The following RREB1 variants were observed in gnomAD, a reference collection of about 807,000 sequenced individuals.
The protein encoded by RREB1 is ras responsive element binding protein 1, also known as ras-responsive element-binding protein 1.
Under a neutral mutation model 117.8 loss-of-function variants are expected in RREB1, and 27 were observed. The ratio of observed to expected loss-of-function variants is 0.23; its 90% CI spans 0.17 to 0.32. The LOEUF is 0.32. Ranked by LOEUF, RREB1 falls within the 10% of genes least tolerant of loss-of-function variation. RREB1 has a pLI of 1.00. For missense variants in RREB1, 2,577 were observed against 2,378.2 expected, an observed-to-expected ratio of 1.08 and a Z score of -1.74; for synonymous variants, 1,298 against 1,026.7, an observed-to-expected ratio of 1.26 and a Z score of -5.05.
Position 7,229,811 on chromosome 6 carries a change from C to G in RREB1, c.1712C>G (p.Pro571Arg). Residue 571 changes from proline to arginine, a missense_variant, in exon 10 of 13, where the codon CCC becomes CGC. Physicochemically the swap from Pro to Arg is moderately radical, Grantham distance 103 (BLOSUM62 -2). Coordinates refer to ENST00000379938, the MANE Select transcript of RREB1 (RefSeq NM_001003699.4). This position sits in a 1 kb window ranked among gnomAD's most constrained non-coding sequence, Gnocchi z 4.5. ...HLLQSKSGTQ[P>R]HAATRLSLQQ... ...CTGCAGTCCAAGTCCGGGACCCAGC[C>G]CCACGCGGCCACGCGGCTCTCCCTG... The G allele has an allele frequency of 6.2e-7, 1 of 1,610,664 alleles. No homozygotes were observed. Among genetic ancestry groups the G allele is most frequent in the South Asian group, 1.1e-5 (1 of 90,892 alleles).
chr6:7,148,385 C>T (rs1027328149), intron 1 of RREB1, among the ~76,000 whole-genome samples: 7 of 152,124 alleles, frequency 4.6e-5, no homozygotes, highest in South Asian at 4.1e-4. Flanking sequence ...AACGGCATGG[C>T]GGATTCCCAT....
chr6:7,143,851 CTTTTTT>C (rs11365387), intron 1 of RREB1, among the ~76,000 whole-genome samples: 8 of 89,380 alleles, frequency 9.0e-5, no homozygotes, highest in African/African-American at 2.0e-4. Context: ...TTTTTTCTTT[CTTTTTT>C]TTTTTTTTTT....
At chr6:7,112,432 G>T (rs1443205169) in intron 1 of RREB1, among the ~76,000 whole-genome samples, 5 of 152,090 alleles carry the variant, frequency 3.3e-5, no homozygotes. Context: ...ATATAATTAA[G>T]AAATTGATAA....
chr6:7,115,938 T>C (rs1355852311), intron 1 of RREB1, among the ~76,000 whole-genome samples: 1 of 152,180 alleles, frequency 6.6e-6, no homozygotes, highest in Admixed American at 6.5e-5. Context: ...CACCAGGCCC[T>C]CTGCAAAACC....
intron 2 of RREB1, among the ~76,000 whole-genome samples, chr6:7,177,651 A>G (rs6925468): frequency 0.2 from 30,967 of 151,960 alleles, 3,871 homozygotes; most frequent in African/African-American, 0.36. Flanking sequence ...CCTCCCACTC[A>G]GCCTCCCAAG....
At chr6:7,243,307 A>G (rs1047505986) in intron 11 of RREB1, among the ~76,000 whole-genome samples, 5 of 152,236 alleles carry the variant, frequency 3.3e-5, no homozygotes, top group Non-Finnish European at 7.3e-5. Context: ...TGAGCTGACT[A>G]GGGCTGTCTC....
intron 1 of RREB1, among the ~76,000 whole-genome samples, chr6:7,112,659 T>A (rs1761201934): frequency 3.3e-5 from 5 of 152,158 alleles, no homozygotes; most frequent in African/African-American, 1.2e-4. Context: ...CTGAAATGCA[T>A]CACTTATTTT....
chr6:7,199,152 A>T (rs1396723863), intron 6 of RREB1, among the ~76,000 whole-genome samples: 1 of 152,154 alleles, frequency 6.6e-6, no homozygotes, highest in African/African-American at 2.4e-5. Context: ...GGTGCTTCTG[A>T]GTCCTCTGAT....
chr6:7,115,352 C>A (rs1311175085), intron 1 of RREB1, among the ~76,000 whole-genome samples: 1 of 134,534 alleles, frequency 7.4e-6, no homozygotes, highest in African/African-American at 2.7e-5. Flanking sequence ...CCTTGGCCTT[C>A]CCCCCCACCC....
chr6:7,119,937 T>C (rs2113309101), intron 1 of RREB1, among the ~76,000 whole-genome samples: 1 of 152,050 alleles, frequency 6.6e-6, no homozygotes, highest in Admixed American at 6.5e-5. Context: ...GGCTTGGCGA[T>C]GAGGAAGGGT....
intron 1 of RREB1, among the ~76,000 whole-genome samples, chr6:7,156,791 T>C (rs1285881): frequency 0.13 from 19,639 of 152,206 alleles, 1,423 homozygotes; most frequent in African/African-American, 0.17. Context: ...TCCTTCCTTC[T>C]CCTTAGCCAG....
chr6:7,153,413 T>TACACACACACAAAC (rs1763216236), intron 1 of RREB1, among the ~76,000 whole-genome samples: 1 of 145,726 alleles, frequency 6.9e-6, no homozygotes, highest in Non-Finnish European at 1.5e-5. Context: ...AGTAGTGGTA[T>TACACACACACAAAC]ACACACACAC....
At chr6:7,126,896 G>A (rs1761960793) in intron 1 of RREB1, among the ~76,000 whole-genome samples, 2 of 152,192 alleles carry the variant, frequency 1.3e-5, no homozygotes, top group South Asian at 4.1e-4. Flanking sequence ...CTCATAACCA[G>A]CAAGGACAAG....
intron 1 of RREB1, among the ~76,000 whole-genome samples, chr6:7,171,177 C>T (rs984292716): frequency 6.6e-6 from 1 of 152,150 alleles, no homozygotes; most frequent in Non-Finnish European, 1.5e-5. Context: ...GGGTATATAA[C>T]GTGAAGTGCC....
chr6:7,184,921 A>G (rs1486710514), intron 4 of RREB1: 1 of 151,678 alleles, frequency 6.6e-6, no homozygotes, highest in Non-Finnish European at 1.5e-5. Flanking sequence ...TAATTTGACA[A>G]CAATACCCCG....
intron 1 of RREB1, among the ~76,000 whole-genome samples, chr6:7,174,451 C>T (rs528492214): frequency 3.3e-5 from 5 of 152,048 alleles, no homozygotes; most frequent in Admixed American, 6.6e-5. Flanking sequence ...GGACGCTACC[C>T]GGTGGACCTT....
At chr6:7,135,893 A>T (rs190093473) in intron 1 of RREB1, among the ~76,000 whole-genome samples, 32 of 152,320 alleles carry the variant, frequency 2.1e-4, no homozygotes, top group Admixed American at 2.0e-3. Context: ...TTCTGCTGAT[A>T]CTAAAGCTGG....
intron 1 of RREB1, among the ~76,000 whole-genome samples, chr6:7,166,050 G>T (rs1252932681): frequency 6.6e-6 from 1 of 152,158 alleles, no homozygotes; most frequent in Non-Finnish European, 1.5e-5. Context: ...GTGGAGGGGC[G>T]GTGGCCCTTT....
chr6:7,129,318 G>T (rs574370746), intron 1 of RREB1, among the ~76,000 whole-genome samples: 9 of 152,342 alleles, frequency 5.9e-5, no homozygotes, highest in African/African-American at 2.2e-4. Flanking sequence ...AGGGATAGTG[G>T]GGCAAGGTGG....
Sources: allele counts gnomAD v4.1 joint callset (sites outside exome capture counted in the v4.1 genomes callset), GRCh38; gene constraint gnomAD v4.1.1; non-coding constraint Gnocchi (gnomAD v3.1); transcripts MANE v1.5; gene names NCBI Gene and HGNC (gene_info 2026-07-23, HGNC 2026-07-21).